The following SMU1 variants were observed in gnomAD, a reference collection of about 807,000 sequenced individuals.
The protein encoded by SMU1 is WD40 repeat-containing protein SMU1.
In SMU1, 2 loss-of-function variants were observed where a neutral mutation model predicts 62.0. The observed-to-expected ratio is 0.03, with a 90% CI of 0.01 to 0.10. The LOEUF is 0.10. Among genes scored for constraint, SMU1 ranks in the 10% least tolerant of loss-of-function variants. The pLI, the probability that SMU1 is intolerant of heterozygous loss-of-function variation, is 1.00. For synonymous variants in SMU1, 188 were observed against 212.4 expected, an observed-to-expected ratio of 0.89 and a Z score of 1.00; for missense variants, 227 against 622.1, an observed-to-expected ratio of 0.36 and a Z score of 6.76.
intron 4 of SMU1, among the ~76,000 whole-genome samples, chr9:33,067,496 C>CTTT (rs1163444916): frequency 3.9e-5 from 5 of 129,680 alleles, no homozygotes; most frequent in South Asian, 2.5e-4. Context: ...AAGCAGCTTA[C>CTTT]TTTTTTTTTT....
At chr9:33,073,845 T>G (rs758667734) in intron 1 of SMU1, 39 bp from the exon 2 acceptor site, 3 of 1,570,246 alleles carry the variant, frequency 1.9e-6, no homozygotes, top group Non-Finnish European at 2.6e-6. Flanking sequence ...GGATTCTCAC[T>G]CACCAGAGGT....
Position 33,056,844 on chromosome 9 carries a change from T to C in SMU1, c.988A>G (p.Thr330Ala). The change falls in exon 8 of 12, where the codon ACA becomes GCA. Residue 330 changes from threonine (T) to alanine (A), a missense_variant. Physicochemically the swap from Thr to Ala is moderately conservative, Grantham distance 58. Transcript: ENST00000397149. ...SQILSASFDQ[T>A]IRIHGLKSGK... ...TTTGGGATTTTTACTTACCTAATTGTCTGGTCAAAAGAAGCACTAAGGATC... is the reference window on the plus strand; with the variant it reads ...TTTGGGATTTTTACTTACCTAATTGCCTGGTCAAAAGAAGCACTAAGGATC... 2 of 1,611,748 alleles carry C rather than the reference T, an allele frequency of 1.2e-6. No homozygotes were observed. Among genetic ancestry groups the C allele is most frequent in the Non-Finnish European group, 1.7e-6 (2 of 1,179,442 alleles).
At chr9:33,061,220 C>G (rs1244597350) in intron 5 of SMU1, among the ~76,000 whole-genome samples, 2 of 152,158 alleles carry the variant, frequency 1.3e-5, no homozygotes, top group Non-Finnish European at 2.9e-5. Context: ...AAGAAAAGCT[C>G]TAATGTGGAT....
chr9:33,063,317 G>A (rs750054081), intron 4 of SMU1, among the ~76,000 whole-genome samples: 1 of 151,742 alleles, frequency 6.6e-6, no homozygotes, highest in Non-Finnish European at 1.5e-5. Flanking sequence ...AGCCAAGATC[G>A]CACCACTGCA....
At position 33,061,591 on chromosome 9, in the gene SMU1, A is replaced by C. The variant is rs1352328359; in HGVS notation, c.630+458T>G. Among the ~76,000 whole-genome samples the C allele has an allele frequency of 2.0e-5, 3 of 152,302 alleles. No individual in the cohort carries two copies. The East Asian group carries it at 5.8e-4, about 29-fold the overall frequency. On this transcript the variant is annotated intron_variant, in intron 5 of 11. Transcript: ENST00000397149. ...GATTTAAAAAAATAAAAATAAATAA[A>C]AAATTTTAAAAAACCACACCATAGG...
intron 1 of SMU1, among the ~76,000 whole-genome samples, chr9:33,074,894 C>T (rs1839528399): frequency 6.6e-6 from 1 of 151,974 alleles, no homozygotes. Context: ...TCACCTCAGC[C>T]TCCCGAGTAG....
intron 1 of SMU1, among the ~76,000 whole-genome samples, chr9:33,075,007 A>G (rs1839529812): frequency 1.3e-5 from 2 of 152,128 alleles, no homozygotes; most frequent in South Asian, 2.1e-4. Flanking sequence ...TTCTGGGCTC[A>G]AGTGATCCAT....
At chr9:33,053,048 G>A in intron 10 of SMU1, 75 bp downstream of exon 10, 5 of 1,404,746 alleles carry the variant, frequency 3.6e-6, no homozygotes, top group South Asian at 1.2e-5. Context: ...TATTGGGAGG[G>A]TGGGCCTGGA....
chr9:33,069,019 A>C, intron 3 of SMU1, 85 bp from the exon 4 acceptor site: 1 of 1,472,804 alleles, frequency 6.8e-7, no homozygotes. Flanking sequence ...AAGCAGAAGC[A>C]TACACAGAGG....
In SMU1 at chr9:33,043,497, G is replaced by A. The variant is rs886463893; in HGVS notation, c.*3796C>T. 4 of 152,204 alleles carry A rather than the reference G, an allele frequency of 2.6e-5. No individual in the cohort carries two copies. 9.4% of individuals were successfully genotyped at this position (152,204 alleles called of 1,614,324 possible). On this transcript the variant is annotated 3_prime_UTR_variant, in exon 12 of 12. Transcript: ENST00000397149. ...TAGGACCTTAGAATGTGTCTATCACGTGACACTTGTAAGAACCACTGTTCT... is the reference window on the plus strand; with the variant it reads ...TAGGACCTTAGAATGTGTCTATCACATGACACTTGTAAGAACCACTGTTCT...
Position 33,073,614 on chromosome 9 carries a change from G to A in SMU1, c.219C>T (p.Leu73=), listed in dbSNP as rs1839511304. 4 of 1,611,928 alleles carry A rather than the reference G, an allele frequency of 2.5e-6. No homozygotes were observed. Among genetic ancestry groups the A allele is most frequent in the Non-Finnish European group, 3.4e-6 (4 of 1,179,612 alleles). ...CTCTTACCTGTTCATAGAGGTCAAT[G>A]AGGGTTTTGTCTGGCAATTTCAGAG... ...IQSLKLPDKT[L]IDLYEQVVLE... is the part of the protein sequence containing the mutation. The change falls in exon 2 of 12, where the codon CTC becomes CTT. Residue 73 remains leucine (L), a synonymous_variant. Coordinates refer to ENST00000397149, the MANE Select transcript of SMU1 (RefSeq NM_018225.3).
At chr9:33,062,525 A>C (rs771841286) in intron 4 of SMU1, among the ~76,000 whole-genome samples, 2 of 152,192 alleles carry the variant, frequency 1.3e-5, no homozygotes, top group Middle Eastern at 3.4e-3. Flanking sequence ...ACTACCTTCC[A>C]ATCTTCCCCC....
At chr9:33,072,043 AGGTGGACTT>A in intron 2 of SMU1, 151 bp from the exon 3 acceptor site, 1 of 792,172 alleles carries the variant, frequency 1.3e-6, no homozygotes, top group Non-Finnish European at 1.8e-6. Flanking sequence ...TAGCAATTTC[AGGTGGACTT>A]GGTGGGCTTG....
At chr9:33,060,325 G>A (rs1372059370) in intron 6 of SMU1, 140 bp downstream of exon 6, 2 of 747,554 alleles carry the variant, frequency 2.7e-6, no homozygotes, top group Non-Finnish European at 4.2e-6. Flanking sequence ...AGCTTTAAAT[G>A]AGTTTTTTAA....
intron 4 of SMU1, among the ~76,000 whole-genome samples, chr9:33,063,958 A>G (rs1839391727): frequency 6.6e-6 from 1 of 152,162 alleles, no homozygotes; most frequent in Non-Finnish European, 1.5e-5. Context: ...CTCTGTATTC[A>G]TTAGATATAT....
intron 9 of SMU1, 40 bp from the exon 10 acceptor site, chr9:33,053,330 A>T (rs907044607): frequency 6.3e-7 from 1 of 1,578,622 alleles, no homozygotes; most frequent in Non-Finnish European, 8.6e-7. Context: ...TTTTTTAGGT[A>T]TAAAAATTTC....
chr9:33,066,582 CAG>C (rs1442667780), intron 4 of SMU1, among the ~76,000 whole-genome samples: 2 of 148,988 alleles, frequency 1.3e-5, no homozygotes, highest in Non-Finnish European at 3.0e-5. Flanking sequence ...CCGAGGTGGG[CAG>C]ATCACGAGGT....
At chr9:33,056,810 G>T (rs1442110846) in intron 8 of SMU1, 27 bp downstream of exon 8, 1 of 1,607,350 alleles carries the variant, frequency 6.2e-7, no homozygotes, top group African/African-American at 1.3e-5. Context: ...AAACTCAAGT[G>T]AGAGCAGTTT....
chr9:33,062,960 GA>G (rs1839379287), intron 4 of SMU1, among the ~76,000 whole-genome samples: 2 of 152,300 alleles, frequency 1.3e-5, no homozygotes, highest in South Asian at 4.1e-4. Flanking sequence ...ACTGCATTAT[GA>G]GGGGTGAAAT....
Sources: gnomAD v4.1 joint callset for allele counts (sites outside exome capture counted in the v4.1 genomes callset) on GRCh38, gnomAD v4.1.1 for gene constraint, MANE v1.5 for transcripts, NCBI Gene and HGNC (gene_info 2026-07-23, HGNC 2026-07-21) for gene names.